Variants in GPC6 observed in about 807,000 individuals in gnomAD.
GPC6 encodes the protein glypican-6.
A neutral mutation model predicts 55.2 loss-of-function variants in GPC6; 14 were observed. The ratio of observed to expected loss-of-function variants is 0.25; its 90% confidence interval spans 0.17 to 0.40. GPC6 has a LOEUF of 0.40. Among genes scored for constraint, GPC6 ranks in the 10% least tolerant of loss-of-function variants. The pLI, the probability that GPC6 is intolerant of heterozygous loss-of-function variation, is 1.00. For missense variants in GPC6, 641 were observed against 708.5 expected, an observed-to-expected ratio of 0.90 and a Z score of 1.08; for synonymous variants, 278 against 259.6, an observed-to-expected ratio of 1.07 and a Z score of -0.68.
chr13:94,300,928 C>T (rs1019910357), intron 5 of GPC6, among the ~76,000 whole-genome samples: 1 of 152,168 alleles, frequency 6.6e-6, no homozygotes, highest in African/African-American at 2.4e-5. Flanking sequence ...GGAACAGCTT[C>T]ACAAATACCT....
intron 3 of GPC6, among the ~76,000 whole-genome samples, chr13:93,902,777 G>T (rs899683629): frequency 6.6e-6 from 1 of 152,156 alleles, no homozygotes; most frequent in Non-Finnish European, 1.5e-5. Flanking sequence ...GCATTTTGCT[G>T]ATGATTAGTG....
intron 4 of GPC6, among the ~76,000 whole-genome samples, chr13:94,162,424 G>A (rs1888200545): frequency 6.6e-6 from 1 of 152,166 alleles, no homozygotes; most frequent in Admixed American, 6.5e-5. Flanking sequence ...GGATCCCTCA[G>A]CAAATGTTTC....
At position 93,536,049 on chromosome 13, in the gene GPC6, C is replaced by T. The variant is rs975616210; in HGVS notation, c.161-9214C>T. Among the ~76,000 whole-genome samples, 5 of 152,026 alleles carry T rather than the reference C, an allele frequency of 3.3e-5. No homozygotes were observed. In the South Asian group the frequency reaches 8.3e-4, roughly 25 times the overall value. On this transcript the variant is annotated intron_variant, in intron 1 of 8. Transcript: ENST00000377047. ...ACATCGGGATGCTTCAAAGTTCCAG[C>T]GATGTCTGTGAGCAGAGTTTCCCCT...
At chr13:93,833,475 T>A (rs914484465) in intron 3 of GPC6, among the ~76,000 whole-genome samples, 6 of 152,312 alleles carry the variant, frequency 3.9e-5, no homozygotes, top group African/African-American at 1.4e-4. Context: ...GATTTAGAGT[T>A]GGAGAAATGA....
chr13:93,514,417 C>T (rs1881106147), intron 1 of GPC6, among the ~76,000 whole-genome samples: 1 of 152,072 alleles, frequency 6.6e-6, no homozygotes, highest in Non-Finnish European at 1.5e-5. Flanking sequence ...CATTAAGGAA[C>T]AAGAATAAAT....
At chr13:93,544,760 C>A (rs1594253109) in intron 1 of GPC6, among the ~76,000 whole-genome samples, 1 of 152,238 alleles carries the variant, frequency 6.6e-6, no homozygotes, top group East Asian at 1.9e-4. Context: ...GCGAATGAGA[C>A]CTACCATTAA....
intron 3 of GPC6, among the ~76,000 whole-genome samples, chr13:93,831,946 C>T (rs1299267212): frequency 6.7e-6 from 1 of 148,872 alleles, no homozygotes; most frequent in Non-Finnish European, 1.5e-5. Context: ...AAAAAATAGC[C>T]AGGCGTGGTG....
At chr13:93,590,577 T>G (rs1279452520) in intron 2 of GPC6, among the ~76,000 whole-genome samples, 2 of 152,070 alleles carry the variant, frequency 1.3e-5, no homozygotes, top group African/African-American at 4.8e-5. Context: ...AATTATATAT[T>G]TCTTTTCGAT....
rs554715813 is a variant in GPC6 at position 93,942,318 on chromosome 13, C to T, written c.712-85411C>T. ...AGCCTTGCCTCAGGACATCTCACAA[C>T]ATAGCAGTCAAGCGTCATCTAGCCA... On this transcript the variant is annotated intron_variant, in intron 3 of 8. Transcript: ENST00000377047. 1.2e-4 allele frequency among the ~76,000 whole-genome samples: 18 copies of T among 152,264 alleles called. No homozygotes were observed. In the South Asian group the frequency reaches 3.7e-3, roughly 32 times the overall value.
chr13:93,326,469 C>T (rs148875513), intron 1 of GPC6, among the ~76,000 whole-genome samples: 126 of 152,174 alleles, frequency 8.3e-4, no homozygotes, highest in African/African-American at 2.9e-3. Flanking sequence ...CACACACACA[C>T]GTGTACGCAG....
rs56074677 is a variant in GPC6 at position 94,339,751 on chromosome 13, C to CTTTTTTTTTTTTTTTTTTT, written c.1152+33639_1152+33657dup. 4.7e-5 allele frequency among the ~76,000 whole-genome samples: 3 copies of CTTTTTTTTTTTTTTTTTTT among 63,812 alleles called. 1 individual carries two copies. Among genetic ancestry groups the CTTTTTTTTTTTTTTTTTTT allele is most frequent in the African/African-American group, 6.8e-5 (1 of 14,646 alleles). The allele number at this position is 63,812 out of a possible 152,430, so 41.9% of individuals were successfully genotyped here. A position where few individuals can be genotyped will look rare whatever the true frequency, so the allele number is the denominator to read the frequency against. Reference sequence around the variant, plus strand: ...TTAAGTCTGCAACCTGCATACTTTCCTTTTTTTTTTTTTTTTTTTTTTTTT... The same window carrying CTTTTTTTTTTTTTTTTTTT: ...TTAAGTCTGCAACCTGCATACTTTCCTTTTTTTTTTTTTTTTTTTTTTTTTTTTTTTTTTTTTTTTTTTT... On this transcript the variant is annotated intron_variant, in intron 6 of 8. Coordinates refer to ENST00000377047, the MANE Select transcript of GPC6 (RefSeq NM_005708.5).
intron 1 of GPC6, among the ~76,000 whole-genome samples, chr13:93,389,503 CA>C (rs5805801): frequency 0.64 from 79,539 of 124,112 alleles, 24,054 homozygotes; most frequent in Non-Finnish European, 0.69. Flanking sequence ...GACTCCATCT[CA>C]AAAAAAAAAA....
chr13:94,142,490 C>T (rs1183059905), intron 4 of GPC6, among the ~76,000 whole-genome samples: 2 of 152,184 alleles, frequency 1.3e-5, no homozygotes, highest in African/African-American at 2.4e-5. Flanking sequence ...ATTCAGTTAA[C>T]ACCACTTAAT....
At chr13:93,511,915 GT>G (rs769852615) in intron 1 of GPC6, among the ~76,000 whole-genome samples, 2 of 151,554 alleles carry the variant, frequency 1.3e-5, no homozygotes, top group Non-Finnish European at 3.0e-5. Context: ...AGGCTTTGGG[GT>G]TTTTTTGTTT....
At chr13:94,026,387 C>A (rs1325096414) in intron 3 of GPC6, among the ~76,000 whole-genome samples, 2 of 151,924 alleles carry the variant, frequency 1.3e-5, no homozygotes, top group African/African-American at 2.4e-5. Flanking sequence ...TGTTATGTTT[C>A]TTCAGCATCT....
chr13:93,904,528 C>A (rs1315008279), intron 3 of GPC6, among the ~76,000 whole-genome samples: 1 of 152,062 alleles, frequency 6.6e-6, no homozygotes, highest in East Asian at 1.9e-4. Flanking sequence ...AATGTTAACA[C>A]TCTCTGGGAC....
At chr13:94,123,157 A>G (rs2138856140) in intron 4 of GPC6, among the ~76,000 whole-genome samples, 1 of 152,220 alleles carries the variant, frequency 6.6e-6, no homozygotes, top group Non-Finnish European at 1.5e-5. Context: ...CATAGACAAA[A>G]TACTATTAGT....
intron 4 of GPC6, among the ~76,000 whole-genome samples, chr13:94,165,503 GA>G (rs201906785): frequency 0.012 from 1,762 of 152,024 alleles, 18 homozygotes; most frequent in Middle Eastern, 0.041. Flanking sequence ...GAAATGGTGG[GA>G]GGGGGTGAGG....
intron 2 of GPC6, among the ~76,000 whole-genome samples, chr13:93,684,162 G>A (rs1478018502): frequency 6.6e-6 from 1 of 151,926 alleles, no homozygotes; most frequent in Non-Finnish European, 1.5e-5. Flanking sequence ...CTCTATTCTC[G>A]ATTTTCCACT....
Sources: gnomAD v4.1 joint callset for allele counts (sites outside exome capture counted in the v4.1 genomes callset) on GRCh38, gnomAD v4.1.1 for gene constraint, MANE v1.5 for transcripts, NCBI Gene and HGNC (gene_info 2026-07-23, HGNC 2026-07-21) for gene names.